NKAIN2: variants seen among roughly 807,000 people sequenced by gnomAD.
NKAIN2 encodes sodium/potassium-transporting ATPase subunit beta-1-interacting protein 2.
NKAIN2 carries 14 observed loss-of-function variants against 32.6 expected under a neutral mutation model. The observed-to-expected ratio is 0.43, with a 90% CI of 0.28 to 0.67. The LOEUF is 0.67. NKAIN2 is among the 30% of genes least tolerant of loss of function. The pLI, the probability that NKAIN2 is intolerant of heterozygous loss-of-function variation, is 0.17. For missense variants in NKAIN2, 198 were observed against 258.3 expected, an observed-to-expected ratio of 0.77 and a Z score of 1.60; for synonymous variants, 80 against 87.2, an observed-to-expected ratio of 0.92 and a Z score of 0.46.
At chr6:124,713,768 A>G in intron 4 of NKAIN2, among the ~76,000 whole-genome samples, 1 of 152,210 alleles carries the variant, frequency 6.6e-6, no homozygotes, top group East Asian at 1.9e-4. Context: ...TAAAATAAAG[A>G]GGCAGAATTT....
At chr6:124,381,017 G>T (rs1013392178) in intron 3 of NKAIN2, among the ~76,000 whole-genome samples, 1 of 152,140 alleles carries the variant, frequency 6.6e-6, no homozygotes, top group Non-Finnish European at 1.5e-5. Context: ...GAAGGACTAC[G>T]AAATTGCTCT....
Position 123,955,415 on chromosome 6 carries a change from C to T in NKAIN2, c.54+151161C>T, listed in dbSNP as rs188280123. 7.0e-3 allele frequency among the ~76,000 whole-genome samples: 1,066 copies of T among 151,822 alleles called. 9 individuals carry two copies. The highest frequency in any genetic ancestry group is 0.024 in the African/African-American group (980 of 41,444). ...TATAGTCACTCTAATCTTTAACTTT[C>T]ATGTTCAATTGCTTAGAATTTAAAT... On this transcript the variant is annotated intron_variant, in intron 1 of 6. Coordinates refer to ENST00000368417, the MANE Select transcript of NKAIN2 (RefSeq NM_001040214.3).
chr6:124,711,692 G>T (rs910775350), intron 4 of NKAIN2, among the ~76,000 whole-genome samples: 1 of 151,568 alleles, frequency 6.6e-6, no homozygotes. Flanking sequence ...GCATTTCTCT[G>T]TATTGGTTAT....
chr6:124,327,444 A>G (rs1053166920), intron 2 of NKAIN2, among the ~76,000 whole-genome samples: 1 of 152,134 alleles, frequency 6.6e-6, no homozygotes, highest in Non-Finnish European at 1.5e-5. Flanking sequence ...TATAAATAAT[A>G]AAAGTATAAT....
chr6:124,359,191 T>G (rs1432186484), intron 3 of NKAIN2, among the ~76,000 whole-genome samples: 2 of 152,206 alleles, frequency 1.3e-5, no homozygotes, highest in African/African-American at 2.4e-5. Context: ...TAGTATAGTT[T>G]GAAGTCAGGT....
intron 4 of NKAIN2, among the ~76,000 whole-genome samples, chr6:124,787,746 C>T (rs567672998): frequency 2.0e-5 from 3 of 152,050 alleles, no homozygotes; most frequent in South Asian, 4.1e-4. Flanking sequence ...AGAAAAATGG[C>T]ATAGTTCCAT....
intron 1 of NKAIN2, among the ~76,000 whole-genome samples, chr6:124,036,172 G>A (rs1781596924): frequency 4.6e-5 from 7 of 152,072 alleles, no homozygotes; most frequent in Admixed American, 4.6e-4. Flanking sequence ...TGGCAGGCAG[G>A]ACTTTTCTCC....
intron 3 of NKAIN2, among the ~76,000 whole-genome samples, chr6:124,410,404 AT>A (rs1299411600): frequency 6.6e-6 from 1 of 151,986 alleles, no homozygotes; most frequent in African/African-American, 2.4e-5. Context: ...CTTTGTTCTC[AT>A]TGGTTTCAAA....
At chr6:124,243,831 C>T (rs1320219391) in intron 1 of NKAIN2, among the ~76,000 whole-genome samples, 3 of 151,984 alleles carry the variant, frequency 2.0e-5, no homozygotes, top group East Asian at 3.9e-4. Context: ...AAAGTGACCA[C>T]GTTATATACA....
At chr6:124,683,081 C>T in intron 4 of NKAIN2, among the ~76,000 whole-genome samples, 1 of 152,196 alleles carries the variant, frequency 6.6e-6, no homozygotes, top group East Asian at 1.9e-4. Flanking sequence ...TTTCCACCCA[C>T]CTTTGTCCTC....
chr6:124,488,728 A>G, intron 3 of NKAIN2, among the ~76,000 whole-genome samples: 1 of 152,020 alleles, frequency 6.6e-6, no homozygotes, highest in Non-Finnish European at 1.5e-5. Context: ...AGAGATTTTG[A>G]TAGAGAAAAC....
chr6:123,924,022 G>A (rs1775893837), intron 1 of NKAIN2, among the ~76,000 whole-genome samples: 1 of 151,684 alleles, frequency 6.6e-6, no homozygotes, highest in Non-Finnish European at 1.5e-5. Flanking sequence ...TCAATATTAG[G>A]AATCTTTAAA....
intron 3 of NKAIN2, among the ~76,000 whole-genome samples, chr6:124,525,001 A>G (rs767100965): frequency 7.9e-5 from 12 of 152,190 alleles, no homozygotes; most frequent in Non-Finnish European, 1.8e-4. Flanking sequence ...ACAATTTTCT[A>G]CACTGGGAAG....
chr6:124,572,021 A>G (rs1224122936), intron 3 of NKAIN2, among the ~76,000 whole-genome samples: 1 of 146,934 alleles, frequency 6.8e-6, no homozygotes, highest in African/African-American at 2.7e-5. Flanking sequence ...TTTGAAATTG[A>G]TCAGTGACTA....
chr6:124,748,988 A>G (rs184383672), intron 4 of NKAIN2, among the ~76,000 whole-genome samples: 172 of 152,060 alleles, frequency 1.1e-3, no homozygotes, highest in Middle Eastern at 6.8e-3. Context: ...ACACAGTCTC[A>G]CTGAGCTGAA....
intron 4 of NKAIN2, among the ~76,000 whole-genome samples, chr6:124,726,289 T>C (rs1357053035): frequency 1.3e-5 from 2 of 152,114 alleles, no homozygotes; most frequent in East Asian, 3.9e-4. Context: ...CAGTAACCTC[T>C]GCAGACTTAA....
At chr6:123,958,168 G>A (rs1293235118) in intron 1 of NKAIN2, among the ~76,000 whole-genome samples, 1 of 152,102 alleles carries the variant, frequency 6.6e-6, no homozygotes, top group Non-Finnish European at 1.5e-5. Flanking sequence ...ACCAGTGTAG[G>A]AAGGTATCTT....
At chr6:123,815,805 A>G (rs945193741) in intron 1 of NKAIN2, among the ~76,000 whole-genome samples, 2 of 152,032 alleles carry the variant, frequency 1.3e-5, no homozygotes, top group African/African-American at 4.8e-5. Context: ...ATACACACAC[A>G]CGTATGTGTA....
Position 124,602,309 on chromosome 6 carries a change from A to AT in NKAIN2, c.274-55871dup, listed in dbSNP as rs1185742492. ...TGTGAAGACTAACTCATCTTATAGC[A>AT]TTTTTTACATGAAAGTCCCATTTGT... is the stretch of plus-strand genomic sequence containing the variant. On this transcript the variant is annotated intron_variant, in intron 3 of 6. Coordinates refer to ENST00000368417, the MANE Select transcript of NKAIN2 (RefSeq NM_001040214.3). 2.6e-5 allele frequency among the ~76,000 whole-genome samples: 4 copies of AT among 151,872 alleles called. No homozygotes were observed. In the East Asian group the frequency reaches 7.7e-4, roughly 29 times the overall value.
Sources: allele counts gnomAD v4.1 joint callset (sites outside exome capture counted in the v4.1 genomes callset), GRCh38; gene constraint gnomAD v4.1.1; transcripts MANE v1.5; gene names NCBI Gene and HGNC (gene_info 2026-07-23, HGNC 2026-07-21).